Variants in TEP1 observed in about 807,000 individuals in gnomAD.
TEP1 encodes telomerase protein component 1.
TEP1 carries 241 observed loss-of-function variants against 306.3 expected under a neutral mutation model. That is an observed-to-expected ratio of 0.79 (90% CI 0.71 to 0.88). The LOEUF (loss-of-function observed/expected upper bound fraction) is 0.88. Among genes scored for constraint, TEP1 ranks in the 40% least tolerant of loss-of-function variants. The pLI, the probability that TEP1 is intolerant of heterozygous loss-of-function variation, is 0.00. For synonymous variants in TEP1, 1,289 were observed against 1,305.5 expected, an observed-to-expected ratio of 0.99 and a Z score of 0.27; for missense variants, 3,051 against 3,276.1, an observed-to-expected ratio of 0.93 and a Z score of 1.68.
chr14:20,375,612 G>A (rs1417022030), intron 43 of TEP1, 143 bp downstream of exon 43: 21 of 589,778 alleles, frequency 3.6e-5, no homozygotes, highest in Non-Finnish European at 3.0e-6. Flanking sequence ...AAAGAGCTTA[G>A]TTCAATGCCT....
chr14:20,382,995 G>C (rs1377240184), intron 27 of TEP1, among the ~76,000 whole-genome samples, 179 bp downstream of exon 27: 2 of 152,240 alleles, frequency 1.3e-5, no homozygotes, highest in Admixed American at 6.5e-5. Context: ...ACCGGGGGAA[G>C]AGGGCTGGGT....
At chr14:20,385,500 G>A (rs1877060546) in intron 20 of TEP1, among the ~76,000 whole-genome samples, 1 of 152,112 alleles carries the variant, frequency 6.6e-6, no homozygotes, top group South Asian at 2.1e-4. Context: ...AGCCTCCTGA[G>A]TAGCTGGGAT....
At position 20,384,529 on chromosome 14, in the gene TEP1, A is replaced by G. The variant is rs570861761; in HGVS notation, c.3222-21T>C. ...GGTATCTGTGGGCAAATCAAGCACA[A>G]CCAGGTCAGAGCAGGCCCGGCTCCT... On this transcript the variant is annotated intron_variant, in intron 22 of 54. Coordinates refer to ENST00000262715, the MANE Select transcript of TEP1 (RefSeq NM_007110.5). 1.3e-5 allele frequency: 21 copies of G among 1,614,050 alleles called. No homozygotes were observed. The South Asian group carries it at 2.0e-4, about 15-fold the overall frequency.
At position 20,374,488 on chromosome 14, in the gene TEP1, C is replaced by G. The variant is rs1885054079; in HGVS notation, c.6412G>C (p.Gly2138Arg). The part of the protein sequence containing the change: ...GSVGLWDPES[G>R]QRLGQFLGHQ... ...CCCAGGAACTGACCAAGCCGCTGTC[C>G]TGACTCTGGGTCCCAGAGCCCCACA... The change falls in exon 44 of 55, where the codon GGA becomes CGA. Residue 2138 changes from glycine (G) to arginine (R), a missense_variant. Physicochemically the swap from Gly to Arg is moderately radical, Grantham distance 125 (BLOSUM62 -2). This residue lies in a region of TEP1 where 1,540 missense variants were observed against 1,705.9 expected (regional missense o/e 0.90). Transcript: ENST00000262715. 6.2e-7 allele frequency: 1 copy of G among 1,613,694 alleles called. No individual in the cohort carries two copies.
At position 20,384,246 on chromosome 14, in the gene TEP1, G is replaced by T; in HGVS notation, c.3340-14C>A. The T allele has an allele frequency of 6.2e-7, 1 of 1,612,586 alleles. No homozygotes were observed. The highest frequency in any genetic ancestry group is 1.3e-5 in the African/African-American group (1 of 74,990). ...CAGGGCCCCAGGCTGAGGGTAAATG[G>T]GTCAGTGACTATCCATGGTGCCATG... is the stretch of plus-strand genomic sequence containing the variant. On this transcript the variant is annotated splice_polypyrimidine_tract_variant and intron_variant, in intron 23 of 54. Transcript: ENST00000262715.
chr14:20,403,438 G>C lies in TEP1; in HGVS notation c.1205C>G (p.Pro402Arg), dbSNP rs1594372526. 1 of 1,614,150 alleles carries C rather than the reference G, an allele frequency of 6.2e-7. No individual in the cohort carries two copies. Among genetic ancestry groups the C allele is most frequent in the East Asian group, 2.2e-5 (1 of 44,872 alleles). The change falls in exon 7 of 55, where the codon CCT (proline) becomes CGT (arginine). Residue 402 changes from proline (P) to arginine (R), a missense_variant. Physicochemically the swap from Pro to Arg is moderately radical, Grantham distance 103 (BLOSUM62 -2). This residue lies in a region of TEP1 where 1,507 missense variants were observed against 1,550.5 expected (regional missense o/e 0.97). Transcript: ENST00000262715. Reference sequence around the variant, plus strand: ...TGGAAAACATCTGTGAGAAAATGGAGGCTCCATCCCCTGTAGGGACAGGAG... The same window carrying C: ...TGGAAAACATCTGTGAGAAAATGGACGCTCCATCCCCTGTAGGGACAGGAG... The part of the protein sequence containing the change: ...RRPPRSPGME[P>R]PFSHRCFPRY...
rs1885269675 is a variant in TEP1 at position 20,377,707 on chromosome 14, C to T, written c.5768G>A (p.Gly1923Asp). The T allele has an allele frequency of 1.2e-6, 2 of 1,614,068 alleles. No individual in the cohort carries two copies. The highest frequency in any genetic ancestry group is 1.7e-6 in the Non-Finnish European group (2 of 1,180,000). Residue 1923 changes from glycine (G) to aspartate (D), a missense_variant, in exon 40 of 55, where the codon GGT (glycine) becomes GAT (aspartate). By Grantham distance (94) the Gly-to-Asp change is moderately conservative. Transcript: ENST00000262715. ...GAGGGCAGGAGAGAGAGAAAGGGAA[C>T]CCAGGTGCCCACGGGGCCGACCCAG... ...GSLGRPRGHL[G>D]SLSLSPALSV...
chr14:20,395,427 G>T (rs1566472005), intron 12 of TEP1, 23 bp downstream of exon 12: 2 of 1,541,736 alleles, frequency 1.3e-6, no homozygotes, highest in Admixed American at 1.8e-5. Flanking sequence ...CCCACCCTTG[G>T]CTCCCAGACA....
At position 20,368,916 on chromosome 14, in the gene TEP1, G is replaced by C; in HGVS notation, c.7657-14C>G. ...GCCCGAGTGAATCTCAAAGAGGAAA[G>C]GGGAGAGCAGAATGGTGAGTTCTCA... On this transcript the variant is annotated splice_polypyrimidine_tract_variant and intron_variant, in intron 53 of 54. Coordinates refer to ENST00000262715, the MANE Select transcript of TEP1 (RefSeq NM_007110.5). 9.3e-6 allele frequency: 15 copies of C among 1,604,414 alleles called. No homozygotes were observed. The highest frequency in any genetic ancestry group is 1.3e-5 in the Non-Finnish European group (15 of 1,173,528).
Position 20,388,148 on chromosome 14 carries a change from A to G in TEP1, c.2526-85T>C, listed in dbSNP as rs1594349879. On this transcript the variant is annotated intron_variant, in intron 17 of 54. Transcript: ENST00000262715. ...TTCCGAAAAGGGCAGGGGGAAAAAG[A>G]TATGTCCAGGTTTGGTGACCAGTTA... The G allele has an allele frequency of 1.3e-5, 20 of 1,492,940 alleles. No individual in the cohort carries two copies. In the East Asian group the frequency reaches 3.5e-4, roughly 26 times the overall value. The allele number at this position is 1,492,940 out of a possible 1,614,324, so 92.5% of individuals were successfully genotyped here.
rs763685829 is a variant in TEP1, at chr14:20,391,068, A to G, written c.2126T>C (p.Ile709Thr). Reference sequence around the variant, plus strand: ...CTCCGCCCTCGTGATCATCATCCCAATCAACAGCAGTGCATAGTTCAGCGG... The same window carrying G: ...CTCCGCCCTCGTGATCATCATCCCAGTCAACAGCAGTGCATAGTTCAGCGG... ...GPPLNYALLL[I>T]GMMITRAEQV... The change falls in exon 14 of 55, where the codon ATT becomes ACT. Residue 709 changes from isoleucine (I) to threonine (T), a missense_variant. Around this residue, in one of 3 missense-constraint regions of TEP1, gnomAD observed 1,507 missense variants for 1,550.5 expected, o/e 0.97. Transcript: ENST00000262715. The G allele has an allele frequency of 5.0e-6, 8 of 1,613,994 alleles. No homozygotes were observed. In the Admixed American group the frequency reaches 8.3e-5, roughly 17 times the overall value.
chr14:20,396,586 G>C (rs1878219769), intron 10 of TEP1, 35 bp downstream of exon 10: 6 of 1,562,292 alleles, frequency 3.8e-6, no homozygotes, highest in Non-Finnish European at 5.3e-6. Flanking sequence ...ACATCTAGTT[G>C]CTGGGCCCCA....
chr14:20,377,593 T>G lies in TEP1; in HGVS notation c.5875+7A>C, dbSNP rs758079063. 6.2e-7 allele frequency: 1 copy of G among 1,613,992 alleles called. No homozygotes were observed. Among genetic ancestry groups the G allele is most frequent in the Non-Finnish European group, 8.5e-7 (1 of 1,180,020 alleles). The stretch of plus-strand genomic sequence containing the variant: ...GCTCAAAAACCCACCCATTCCCATT[T>G]CAGTACCTGAAGAGATTTTGTAGAT... On this transcript the variant is annotated splice_region_variant and intron_variant, in intron 40 of 54. Coordinates refer to ENST00000262715, the MANE Select transcript of TEP1 (RefSeq NM_007110.5).
At chr14:20,386,713 C>T in intron 18 of TEP1, 90 bp from the exon 19 acceptor site, 1 of 1,353,340 alleles carries the variant, frequency 7.4e-7, no homozygotes, top group Non-Finnish European at 9.6e-7. Flanking sequence ...TAGCACTGAG[C>T]ACAAGCCAGG....
chr14:20,377,515 G>A, intron 40 of TEP1, 23 bp from the exon 41 acceptor site: 1 of 1,612,462 alleles, frequency 6.2e-7, no homozygotes, highest in Non-Finnish European at 8.5e-7. Context: ...AGAGAACAAG[G>A]GAGTAAGACA....
intron 45 of TEP1, 37 bp downstream of exon 45, chr14:20,373,641 G>A: frequency 1.2e-6 from 2 of 1,614,202 alleles, no homozygotes; most frequent in Non-Finnish European, 8.5e-7. Context: ...GAAAAGAAGA[G>A]ACAGCAGGGA....
intron 12 of TEP1, among the ~76,000 whole-genome samples, chr14:20,391,998 T>C (rs956704425): frequency 6.6e-6 from 1 of 152,172 alleles, no homozygotes; most frequent in African/African-American, 2.4e-5. Context: ...AGAGGGGAAG[T>C]CACCTGTAGA....
Position 20,383,325 on chromosome 14 carries a change from C to T in TEP1, c.3896G>A (p.Ser1299Asn). The part of the protein sequence containing the change: ...RCVHLVLSVS[S>N]DAGLGETLEQ... The stretch of plus-strand genomic sequence containing the variant: ...AAGGGTCTCCCCTAGGCCTGCATCA[C>T]TAGACACACTCAGCACCAGGTGTAC... Residue 1299 changes from serine (S) to asparagine (N), a missense_variant, in exon 27 of 55, where the codon AGT becomes AAT. Ser to Asn is a conservative substitution (Grantham distance 46, BLOSUM62 1). This residue lies in a region of TEP1 where 1,540 missense variants were observed against 1,705.9 expected (regional missense o/e 0.90). Coordinates refer to ENST00000262715, the MANE Select transcript of TEP1 (RefSeq NM_007110.5). The T allele has an allele frequency of 6.2e-7, 1 of 1,608,786 alleles. No homozygotes were observed. Among genetic ancestry groups the T allele is most frequent in the Non-Finnish European group, 8.5e-7 (1 of 1,177,394 alleles).
chr14:20,402,860 C>G (rs949106741), intron 7 of TEP1, among the ~76,000 whole-genome samples: 1 of 152,160 alleles, frequency 6.6e-6, no homozygotes, highest in African/African-American at 2.4e-5. Context: ...TGTCACCCGG[C>G]AGTAAAGTAC....
Sources: allele counts gnomAD v4.1 joint callset (sites outside exome capture counted in the v4.1 genomes callset), GRCh38; gene constraint gnomAD v4.1.1; regional missense constraint gnomAD v4.1.1; transcripts MANE v1.5; gene names NCBI Gene and HGNC (gene_info 2026-07-23, HGNC 2026-07-21).